Variants in CSMD3 observed in about 807,000 individuals in gnomAD.
CSMD3 encodes the protein CUB and Sushi multiple domains 3.
A neutral mutation model predicts 435.2 loss-of-function variants in CSMD3; 177 were observed. The observed-to-expected ratio is 0.41, with a 90% CI of 0.36 to 0.46. CSMD3 has a LOEUF of 0.46. Ranked by LOEUF, CSMD3 falls within the 20% of genes least tolerant of loss-of-function variation. CSMD3 has a pLI of 0.34. For missense variants in CSMD3, 4,265 were observed against 4,504.6 expected, an observed-to-expected ratio of 0.95 and a Z score of 1.52; for synonymous variants, 1,656 against 1,520.5, an observed-to-expected ratio of 1.09 and a Z score of -2.07.
chr8:112,910,482 G>C (rs997675744), intron 10 of CSMD3, among the ~76,000 whole-genome samples: 1 of 151,634 alleles, frequency 6.6e-6, no homozygotes, highest in Non-Finnish European at 1.5e-5. Context: ...TACCTTCATC[G>C]GCTCCTTCCT....
intron 4 of CSMD3, among the ~76,000 whole-genome samples, chr8:113,166,342 T>A (rs984926076): frequency 2.6e-5 from 4 of 152,012 alleles, no homozygotes; most frequent in Non-Finnish European, 5.9e-5. Flanking sequence ...ACATCTCTAC[T>A]AAAAATACAA....
chr8:112,369,767 G>A, intron 38 of CSMD3, among the ~76,000 whole-genome samples: 1 of 151,530 alleles, frequency 6.6e-6, no homozygotes, highest in Non-Finnish European at 1.5e-5. Flanking sequence ...ATGCATGCGG[G>A]GCTTAAAACC....
intron 4 of CSMD3, among the ~76,000 whole-genome samples, chr8:113,127,852 C>T (rs898747412): frequency 6.6e-6 from 1 of 152,076 alleles, no homozygotes; most frequent in African/African-American, 2.4e-5. Flanking sequence ...AATATTGCCT[C>T]ACTTATTTTG....
intron 62 of CSMD3, 130 bp downstream of exon 62, chr8:112,255,124 A>G (rs1188026251): frequency 2.9e-6 from 2 of 696,362 alleles, no homozygotes; most frequent in East Asian, 5.2e-5. Flanking sequence ...AGTGCCTTCT[A>G]ATTGCTTCTA....
chr8:113,072,235 C>A (rs1391526017), intron 5 of CSMD3, among the ~76,000 whole-genome samples: 1 of 151,708 alleles, frequency 6.6e-6, no homozygotes, highest in Admixed American at 6.6e-5. Flanking sequence ...TGTATATAAT[C>A]ATATCATCTA....
chr8:112,269,254 C>T (rs776975084), intron 59 of CSMD3, among the ~76,000 whole-genome samples: 2 of 152,136 alleles, frequency 1.3e-5, no homozygotes, highest in Non-Finnish European at 2.9e-5. Context: ...GTTAGAAAAA[C>T]ATCTTTGAGA....
chr8:112,670,942 A>G (rs1238216755), intron 16 of CSMD3, among the ~76,000 whole-genome samples: 1 of 152,150 alleles, frequency 6.6e-6, no homozygotes, highest in Non-Finnish European at 1.5e-5. Flanking sequence ...CCCTTTGAAA[A>G]AAGTATTTTA....
At position 113,044,298 on chromosome 8, in the gene CSMD3, C is replaced by T. The variant is rs1285924791; in HGVS notation, c.918-25119G>A. 1.3e-5 allele frequency among the ~76,000 whole-genome samples: 2 copies of T among 149,848 alleles called. 1 individual carries two copies. The highest frequency in any genetic ancestry group is 3.0e-5 in the Non-Finnish European group (2 of 66,496). ...CAAATTTTGTTTTCCTTCACTTTTT[C>T]AATTTCAATTTTTAATAGGAATTTA... On this transcript the variant is annotated intron_variant, in intron 5 of 70. Transcript: ENST00000297405.
At chr8:113,101,344 C>T (rs2090324689) in intron 4 of CSMD3, among the ~76,000 whole-genome samples, 1 of 152,110 alleles carries the variant, frequency 6.6e-6, no homozygotes, top group Non-Finnish European at 1.5e-5. Flanking sequence ...TCACAAAAAT[C>T]CTGCATTTAG....
chr8:112,329,539 C>A (rs952264345), intron 45 of CSMD3, among the ~76,000 whole-genome samples: 2 of 152,066 alleles, frequency 1.3e-5, no homozygotes, highest in Non-Finnish European at 2.9e-5. Flanking sequence ...AAAACCATCT[C>A]ATACAGTCAA....
intron 13 of CSMD3, among the ~76,000 whole-genome samples, chr8:112,736,338 C>T (rs1353537801): frequency 1.3e-5 from 2 of 151,946 alleles, no homozygotes; most frequent in African/African-American, 2.4e-5. Context: ...AGCTAAAATC[C>T]CCTTCCCATG....
chr8:112,631,355 C>T (rs2074509341), intron 22 of CSMD3, among the ~76,000 whole-genome samples: 1 of 151,964 alleles, frequency 6.6e-6, no homozygotes, highest in Non-Finnish European at 1.5e-5. Context: ...GCCTCAAAGC[C>T]CTAAATATTT....
chr8:112,801,528 C>T (rs6999481), intron 12 of CSMD3, among the ~76,000 whole-genome samples: 119,673 of 151,946 alleles, frequency 0.79, 47,225 homozygotes, highest in East Asian at 0.91. Context: ...CATGGAACTT[C>T]AGATTATCTT....
At position 113,271,733 on chromosome 8, in the gene CSMD3, G is replaced by C. The variant is rs562259067; in HGVS notation, c.514+6859C>G. Reference sequence around the variant, plus strand: ...AGAGTCCCTACTGGGGCACCACTTAGTGAGCTGTGAGAAGAGGGCCACCAT... The same window carrying C: ...AGAGTCCCTACTGGGGCACCACTTACTGAGCTGTGAGAAGAGGGCCACCAT... On this transcript the variant is annotated intron_variant, in intron 3 of 70. Transcript: ENST00000297405. 4.5e-4 allele frequency among the ~76,000 whole-genome samples: 68 copies of C among 152,262 alleles called. 1 individual carries two copies. The South Asian group carries it at 0.014, about 32-fold the overall frequency.
intron 12 of CSMD3, among the ~76,000 whole-genome samples, chr8:112,823,376 G>A (rs149443408): frequency 1.4e-3 from 213 of 152,052 alleles, no homozygotes; most frequent in Non-Finnish European, 1.9e-3. Flanking sequence ...GGTGTTATGT[G>A]TCCAGGAATT....
intron 12 of CSMD3, among the ~76,000 whole-genome samples, chr8:112,802,327 T>G (rs905381699): frequency 2.0e-5 from 3 of 152,010 alleles, no homozygotes; most frequent in Non-Finnish European, 4.4e-5. Context: ...CTTTAAACTG[T>G]GAACATCAAA....
chr8:113,012,598 C>G (rs1587884353), intron 6 of CSMD3, among the ~76,000 whole-genome samples: 1 of 152,126 alleles, frequency 6.6e-6, no homozygotes, highest in Non-Finnish European at 1.5e-5. Flanking sequence ...TTTTTCGGCA[C>G]TCACACATGC....
chr8:113,206,448 T>G (rs2092772037), intron 3 of CSMD3, among the ~76,000 whole-genome samples: 1 of 152,182 alleles, frequency 6.6e-6, no homozygotes, highest in Non-Finnish European at 1.5e-5. Context: ...CATGTGCATA[T>G]TCTATTTTTT....
intron 3 of CSMD3, among the ~76,000 whole-genome samples, chr8:113,189,942 T>A (rs1441609121): frequency 6.6e-6 from 1 of 151,852 alleles, no homozygotes; most frequent in Non-Finnish European, 1.5e-5. Context: ...CATAATTAAA[T>A]CTTTATTTTA....
Sources: gnomAD v4.1 joint callset for allele counts (sites outside exome capture counted in the v4.1 genomes callset) on GRCh38, gnomAD v4.1.1 for gene constraint, MANE v1.5 for transcripts, NCBI Gene and HGNC (gene_info 2026-07-23, HGNC 2026-07-21) for gene names.